RALYL: variants seen among roughly 807,000 people sequenced by gnomAD.
RALYL encodes the protein RALY RNA binding protein like.
In RALYL, 29 loss-of-function variants were observed where a neutral mutation model predicts 35.1. The observed-to-expected ratio is 0.83, with a 90% CI of 0.61 to 1.13. The LOEUF (loss-of-function observed/expected upper bound fraction) is 1.13. Among genes scored for constraint, RALYL ranks in the 50% most tolerant of loss-of-function variants. The pLI is 0.00. For synonymous variants in RALYL, 120 were observed against 127.6 expected, an observed-to-expected ratio of 0.94 and a Z score of 0.40; for missense variants, 359 against 360.4, an observed-to-expected ratio of 1.00 and a Z score of 0.03.
At chr8:84,265,404 C>T (rs996392040) in intron 1 of RALYL, among the ~76,000 whole-genome samples, 3 of 152,166 alleles carry the variant, frequency 2.0e-5, no homozygotes, top group East Asian at 3.9e-4. Context: ...CCTGCCGTTA[C>T]TGGCTTTCTA....
intron 1 of RALYL, among the ~76,000 whole-genome samples, chr8:84,392,930 G>C (rs1861029762): frequency 6.6e-6 from 1 of 152,034 alleles, no homozygotes; most frequent in Non-Finnish European, 1.5e-5. Context: ...TTCATTCACT[G>C]TTAGTCAATT....
At position 84,450,736 on chromosome 8, in the gene RALYL, C is replaced by G. The variant is rs371193575; in HGVS notation, c.-23-78563C>G. 2.8e-4 allele frequency among the ~76,000 whole-genome samples: 42 copies of G among 151,844 alleles called. No individual in the cohort carries two copies. The East Asian group carries it at 3.1e-3, about 11-fold the overall frequency. On this transcript the variant is annotated intron_variant, in intron 1 of 8. Transcript: ENST00000521268. Reference sequence around the variant, plus strand: ...ATGGAATTTTATTTAACTTTAAACTCCAGAAAAATAACATCTTCTTAAGTC... The same window carrying G: ...ATGGAATTTTATTTAACTTTAAACTGCAGAAAAATAACATCTTCTTAAGTC...
intron 1 of RALYL, among the ~76,000 whole-genome samples, chr8:84,287,766 AGAT>A (rs1837943265): frequency 1.3e-5 from 2 of 152,212 alleles, no homozygotes; most frequent in African/African-American, 4.8e-5. Context: ...TAATTCTAGA[AGAT>A]CCAATCGTTT....
chr8:84,739,805 TTTAAAG>T (rs1203662876), intron 2 of RALYL, among the ~76,000 whole-genome samples: 5 of 151,924 alleles, frequency 3.3e-5, no homozygotes, highest in African/African-American at 1.2e-4. Flanking sequence ...AATGAAAATC[TTTAAAG>T]TTAAACTTTT....
intron 1 of RALYL, among the ~76,000 whole-genome samples, chr8:84,398,101 A>G (rs772567864): frequency 1.4e-4 from 22 of 152,226 alleles, no homozygotes; most frequent in Non-Finnish European, 2.9e-4. Context: ...AGACTCAGCT[A>G]TTAAGATGGA....
At chr8:84,718,073 T>C (rs976919932) in intron 2 of RALYL, among the ~76,000 whole-genome samples, 2 of 152,212 alleles carry the variant, frequency 1.3e-5, no homozygotes, top group African/African-American at 2.4e-5. Context: ...TTTGTCATGA[T>C]TGAAAATAAT....
At chr8:84,485,645 T>C (rs1339646310) in intron 1 of RALYL, among the ~76,000 whole-genome samples, 1 of 152,120 alleles carries the variant, frequency 6.6e-6, no homozygotes, top group East Asian at 1.9e-4. Flanking sequence ...GTCTTCACCA[T>C]CTCTCAGTTG....
chr8:84,250,176 G>C (rs950420046), intron 1 of RALYL, among the ~76,000 whole-genome samples: 2 of 151,780 alleles, frequency 1.3e-5, no homozygotes, highest in African/African-American at 4.8e-5. Context: ...AATTTATTAT[G>C]GCCGTCAAAC....
At chr8:84,605,718 G>A (rs1816969880) in intron 2 of RALYL, among the ~76,000 whole-genome samples, 2 of 152,058 alleles carry the variant, frequency 1.3e-5, no homozygotes, top group South Asian at 4.1e-4. Flanking sequence ...AAATGTACTG[G>A]CAATCTTTTT....
chr8:84,486,480 TTACTC>T (rs1175954334), intron 1 of RALYL, among the ~76,000 whole-genome samples: 1 of 151,928 alleles, frequency 6.6e-6, no homozygotes, highest in Non-Finnish European at 1.5e-5. Flanking sequence ...TTTGTCTAGA[TTACTC>T]TGCTTTGCAT....
At chr8:84,260,447 T>C (rs1832050337) in intron 1 of RALYL, among the ~76,000 whole-genome samples, 1 of 152,100 alleles carries the variant, frequency 6.6e-6, no homozygotes, top group South Asian at 2.1e-4. Context: ...TTCTCCTCTA[T>C]GTGGCCTGCT....
At chr8:84,556,325 T>C (rs905891850) in intron 2 of RALYL, among the ~76,000 whole-genome samples, 1 of 152,128 alleles carries the variant, frequency 6.6e-6, no homozygotes, top group African/African-American at 2.4e-5. Flanking sequence ...AGCATCTCAA[T>C]ACCTAAAATA....
intron 2 of RALYL, among the ~76,000 whole-genome samples, chr8:84,657,232 G>A (rs756794360): frequency 3.9e-5 from 6 of 152,046 alleles, no homozygotes; most frequent in South Asian, 4.1e-4. Flanking sequence ...CTCCTGTACC[G>A]TTTAAAAACC....
intron 1 of RALYL, among the ~76,000 whole-genome samples, chr8:84,199,440 TG>T (rs1816284025): frequency 6.6e-6 from 1 of 152,308 alleles, no homozygotes; most frequent in South Asian, 2.1e-4. Flanking sequence ...TTCCAATCTA[TG>T]AGTTGTCTCC....
intron 1 of RALYL, among the ~76,000 whole-genome samples, chr8:84,472,830 A>G (rs1405533691): frequency 6.6e-6 from 1 of 152,174 alleles, no homozygotes; most frequent in Non-Finnish European, 1.5e-5. Flanking sequence ...CAGCTCTGAA[A>G]GTATTATTTT....
intron 3 of RALYL, among the ~76,000 whole-genome samples, chr8:84,790,417 G>A (rs1254938100): frequency 1.3e-5 from 2 of 152,192 alleles, no homozygotes; most frequent in Non-Finnish European, 2.9e-5. Flanking sequence ...GGGATCTGAA[G>A]CCTGGAGGGA....
chr8:84,911,624 A>G (rs1432575779), intron 8 of RALYL, among the ~76,000 whole-genome samples: 2 of 151,998 alleles, frequency 1.3e-5, no homozygotes, highest in South Asian at 2.1e-4. Context: ...CTATCTGGAG[A>G]TAGCATCCGA....
chr8:84,223,126 TCC>T (rs1822743590), intron 1 of RALYL, among the ~76,000 whole-genome samples: 2 of 142,878 alleles, frequency 1.4e-5, no homozygotes, highest in Non-Finnish European at 3.0e-5. Flanking sequence ...TCCTTTCCTT[TCC>T]TTTCCTTTCC....
At chr8:84,364,134 G>A (rs1384726685) in intron 1 of RALYL, among the ~76,000 whole-genome samples, 1 of 152,160 alleles carries the variant, frequency 6.6e-6, no homozygotes, top group East Asian at 1.9e-4. Flanking sequence ...TGGTGGGATT[G>A]AGGATTACAT....
Sources: gnomAD v4.1 joint callset for allele counts (sites outside exome capture counted in the v4.1 genomes callset) on GRCh38, gnomAD v4.1.1 for gene constraint, MANE v1.5 for transcripts, NCBI Gene and HGNC (gene_info 2026-07-23, HGNC 2026-07-21) for gene names.